Variants in SPTLC3 observed in about 807,000 individuals in gnomAD.
SPTLC3 encodes the protein serine palmitoyltransferase 3.
Under a neutral mutation model 59.3 loss-of-function variants are expected in SPTLC3, and 36 were observed. The ratio of observed to expected loss-of-function variants is 0.61; its 90% CI spans 0.47 to 0.80. The LOEUF (loss-of-function observed/expected upper bound fraction) is 0.80, where lower values mean the gene tolerates loss of function less well. Ranked by LOEUF, SPTLC3 falls within the 30% of genes least tolerant of loss-of-function variation. The pLI is 0.00. For missense variants in SPTLC3, 625 were observed against 685.1 expected, an observed-to-expected ratio of 0.91 and a Z score of 0.98; for synonymous variants, 257 against 240.8, an observed-to-expected ratio of 1.07 and a Z score of -0.62.
intron 3 of SPTLC3, chr20:13,073,746 AT>A: frequency 1.8e-6 from 1 of 547,688 alleles, no homozygotes; most frequent in Non-Finnish European, 3.6e-6. Flanking sequence ...AACAGTATCC[AT>A]TATTCCAGAC....
intron 1 of SPTLC3, among the ~76,000 whole-genome samples, chr20:13,017,281 AC>A (rs1985577838): frequency 6.6e-6 from 1 of 152,216 alleles, no homozygotes; most frequent in African/African-American, 2.4e-5. Context: ...TCAGAGACAT[AC>A]CACATTAGTG....
intron 2 of SPTLC3, among the ~76,000 whole-genome samples, chr20:13,070,759 G>C (rs1269152560): frequency 6.6e-6 from 1 of 152,140 alleles, no homozygotes; most frequent in Non-Finnish European, 1.5e-5. Flanking sequence ...GGGTCAGAGA[G>C]GTAACCAGAA....
intron 2 of SPTLC3, among the ~76,000 whole-genome samples, chr20:13,052,699 A>G (rs6078902): frequency 0.84 from 127,359 of 152,110 alleles, 53,400 homozygotes; most frequent in East Asian, 0.92. Context: ...ACTCAAGCTC[A>G]GTAGCAGGAG....
intron 5 of SPTLC3, 63 bp downstream of exon 5, chr20:13,091,270 G>T: frequency 1.3e-6 from 2 of 1,575,758 alleles, no homozygotes; most frequent in Admixed American, 3.4e-5. Flanking sequence ...ACTCTGAGTA[G>T]GTCCTTGTTA....
At chr20:13,106,902 G>T (rs1354194888) in intron 6 of SPTLC3, among the ~76,000 whole-genome samples, 1 of 152,168 alleles carries the variant, frequency 6.6e-6, no homozygotes, top group African/African-American at 2.4e-5. Flanking sequence ...AAGTCACTTG[G>T]CTGAACCCAA....
At chr20:13,164,041 C>A (rs2038948427) in intron 11 of SPTLC3, among the ~76,000 whole-genome samples, 1 of 152,252 alleles carries the variant, frequency 6.6e-6, no homozygotes, top group South Asian at 2.1e-4. Context: ...TCTCCTAATG[C>A]TATCCCTCCC....
chr20:13,167,113 C>T lies in SPTLC3; in HGVS notation c.*2246C>T, dbSNP rs1311430505. 5 of 152,062 alleles carry T rather than the reference C, an allele frequency of 3.3e-5. No individual in the cohort carries two copies. The highest frequency in any genetic ancestry group is 1.9e-4 in the East Asian group (1 of 5,196). The allele number at this position is 152,062 out of a possible 1,614,324, so 9.4% of individuals were successfully genotyped here. ...TGCTTCCACAGTGCATTAGAAGGTGCCCAAGCTCCACAGGGCCAATAATAT... is the reference window on the plus strand; with the variant it reads ...TGCTTCCACAGTGCATTAGAAGGTGTCCAAGCTCCACAGGGCCAATAATAT... On this transcript the variant is annotated 3_prime_UTR_variant, in exon 12 of 12. Coordinates refer to ENST00000399002, the MANE Select transcript of SPTLC3 (RefSeq NM_018327.4).
chr20:13,119,020 T>C (rs553047405), intron 8 of SPTLC3, among the ~76,000 whole-genome samples: 19 of 152,330 alleles, frequency 1.2e-4, no homozygotes, highest in African/African-American at 3.6e-4. Flanking sequence ...GCTAAAACCA[T>C]TGGGAAAGCC....
At chr20:13,148,429 C>T (rs907555008) in intron 9 of SPTLC3, among the ~76,000 whole-genome samples, 2 of 152,058 alleles carry the variant, frequency 1.3e-5, no homozygotes, top group African/African-American at 2.4e-5. Context: ...GGGGTGGGGT[C>T]GACAGGGAGG....
intron 9 of SPTLC3, among the ~76,000 whole-genome samples, chr20:13,148,848 A>G (rs2038578201): frequency 6.6e-6 from 1 of 152,250 alleles, no homozygotes; most frequent in Admixed American, 6.5e-5. Flanking sequence ...CTGAGGCTGC[A>G]GAGAACTATT....
At chr20:13,160,927 C>T (rs1291892038) in intron 11 of SPTLC3, among the ~76,000 whole-genome samples, 3 of 152,130 alleles carry the variant, frequency 2.0e-5, no homozygotes, top group East Asian at 3.8e-4. Context: ...TTTAATAAAG[C>T]TTATCGAGCA....
intron 7 of SPTLC3, among the ~76,000 whole-genome samples, chr20:13,113,577 T>C (rs1211033671): frequency 1.3e-5 from 2 of 152,216 alleles, no homozygotes; most frequent in Non-Finnish European, 2.9e-5. Context: ...TTATTATTCA[T>C]ATGTAGAATA....
intron 4 of SPTLC3, among the ~76,000 whole-genome samples, chr20:13,077,523 A>T (rs1260839741): frequency 1.3e-5 from 2 of 152,050 alleles, no homozygotes; most frequent in African/African-American, 4.8e-5. Context: ...TAGAACCTAC[A>T]TAAGTCACAT....
intron 1 of SPTLC3, among the ~76,000 whole-genome samples, chr20:13,036,681 G>A (rs1430476351): frequency 6.6e-6 from 1 of 151,992 alleles, no homozygotes; most frequent in Non-Finnish European, 1.5e-5. Context: ...TTGTTCAAGG[G>A]TCAATGGTAC....
At chr20:13,022,237 C>T (rs1263236978) in intron 1 of SPTLC3, among the ~76,000 whole-genome samples, 1 of 152,136 alleles carries the variant, frequency 6.6e-6, no homozygotes, top group Admixed American at 6.5e-5. Context: ...CATGAGCTGA[C>T]CTTCACAGCA....
Position 13,164,910 on chromosome 20 carries a change from A to G in SPTLC3, c.*43A>G. On this transcript the variant is annotated 3_prime_UTR_variant, in exon 12 of 12. Coordinates refer to ENST00000399002, the MANE Select transcript of SPTLC3 (RefSeq NM_018327.4). ...GACACATAAAGACTTTGCGAGAAAG[A>G]CCTCCCTCCTTGCCTCACAAGGAAT... 3 of 1,501,458 alleles carry G rather than the reference A, an allele frequency of 2.0e-6. No individual in the cohort carries two copies. Among genetic ancestry groups the G allele is most frequent in the Non-Finnish European group, 2.7e-6 (3 of 1,094,190 alleles). 93.0% of individuals were successfully genotyped at this position (1,501,458 alleles called of 1,614,324 possible).
chr20:13,046,696 A>G (rs935722840), intron 1 of SPTLC3, among the ~76,000 whole-genome samples: 5 of 152,136 alleles, frequency 3.3e-5, no homozygotes, highest in African/African-American at 1.2e-4. Flanking sequence ...AAAGGTTTGT[A>G]CTAAAATAGC....
chr20:13,021,548 C>CT (rs1338343669), intron 1 of SPTLC3, among the ~76,000 whole-genome samples: 2 of 144,810 alleles, frequency 1.4e-5, no homozygotes, highest in African/African-American at 2.6e-5. Context: ...CAACAGCCCC[C>CT]CCACCAATCC....
At chr20:13,143,310 T>G (rs1391945062) in intron 9 of SPTLC3, among the ~76,000 whole-genome samples, 1 of 152,148 alleles carries the variant, frequency 6.6e-6, no homozygotes, top group African/African-American at 2.4e-5. Context: ...TTTTCAATAT[T>G]TGTGAACCAT....
Sources: gnomAD v4.1 joint callset for allele counts (sites outside exome capture counted in the v4.1 genomes callset) on GRCh38, gnomAD v4.1.1 for gene constraint, MANE v1.5 for transcripts, NCBI Gene and HGNC (gene_info 2026-07-23, HGNC 2026-07-21) for gene names.